FRYL: variants seen among roughly 807,000 people sequenced by gnomAD.
FRYL encodes the protein FRY like transcription coactivator.
FRYL carries 150 observed loss-of-function variants against 351.2 expected under a neutral mutation model. That is an observed-to-expected ratio of 0.43 (90% CI 0.37 to 0.49). FRYL has a LOEUF of 0.49. FRYL is among the 20% of genes least tolerant of loss of function. The probability of loss-of-function intolerance (pLI) is 0.00; values close to 1 mark genes in which losing one functional copy is unlikely to be tolerated. For synonymous variants in FRYL, 1,153 were observed against 1,257.1 expected (o/e 0.92, Z 1.75); for missense variants, 3,036 against 3,619.3 (o/e 0.84, Z 4.13).
chr4:48,553,974 T>G (rs564490257), intron 35 of FRYL, among the ~76,000 whole-genome samples: 1 of 152,362 alleles, frequency 6.6e-6, no homozygotes, highest in Admixed American at 6.5e-5. Context: ...AGCACCTACT[T>G]CATATAGCTA....
At chr4:48,571,822 AGT>A in intron 26 of FRYL, 1 of 984,550 alleles carries the variant, frequency 1.0e-6, no homozygotes, top group Non-Finnish European at 1.2e-6. Flanking sequence ...TCACAGAAAC[AGT>A]GTGAGTCTAA....
chr4:48,583,676 G>T (rs1741432221), intron 19 of FRYL, among the ~76,000 whole-genome samples: 1 of 151,956 alleles, frequency 6.6e-6, no homozygotes, highest in Admixed American at 6.5e-5. Context: ...GCCAGGGCAG[G>T]TGAATCACTT....
In FRYL at chr4:48,661,712, T is replaced by C. The variant is rs1406510002; in HGVS notation, c.-81+22961A>G. 2.0e-5 allele frequency among the ~76,000 whole-genome samples: 3 copies of C among 152,332 alleles called. No homozygotes were observed. The South Asian group carries it at 6.2e-4, about 32-fold the overall frequency. The stretch of plus-strand genomic sequence containing the variant: ...CACAAATGGCAACATCCAATTGAAA[T>C]GTATTAAATGTGTCAAGGAGTAGGA... On this transcript the variant is annotated intron_variant, in intron 3 of 63. Coordinates refer to ENST00000358350, the MANE Select transcript of FRYL (RefSeq NM_015030.2).
At chr4:48,615,531 T>C (rs1749237077) in intron 7 of FRYL, among the ~76,000 whole-genome samples, 1 of 152,222 alleles carries the variant, frequency 6.6e-6, no homozygotes, top group Non-Finnish European at 1.5e-5. Context: ...AAATGTGATA[T>C]TGCTGTTTAA....
chr4:48,771,251 G>T (rs1775478680), intron 1 of FRYL, among the ~76,000 whole-genome samples: 1 of 152,096 alleles, frequency 6.6e-6, no homozygotes, highest in Non-Finnish European at 1.5e-5. Context: ...GGTCTAAATT[G>T]TATCAACACA....
At position 48,605,842 on chromosome 4, in the gene FRYL, G is replaced by C; in HGVS notation, c.742-9C>G. On this transcript the variant is annotated splice_polypyrimidine_tract_variant and intron_variant, in intron 10 of 63. Coordinates refer to ENST00000358350, the MANE Select transcript of FRYL (RefSeq NM_015030.2). ...AAATACTGAGCACATTCCTTAAAGG[G>C]AAAGAGGTATATACTTAGATTAACA... 1.4e-6 allele frequency: 2 copies of C among 1,470,770 alleles called. No homozygotes were observed. The highest frequency in any genetic ancestry group is 1.9e-6 in the Non-Finnish European group (2 of 1,055,630). 91.1% of individuals were successfully genotyped at this position (1,470,770 alleles called of 1,614,324 possible).
chr4:48,759,091 G>A (rs1259016733), intron 1 of FRYL, among the ~76,000 whole-genome samples: 1 of 152,166 alleles, frequency 6.6e-6, no homozygotes, highest in South Asian at 2.1e-4. Flanking sequence ...TGGCGTTGGG[G>A]GAAGGGGGGA....
At chr4:48,679,652 T>C (rs1270860979) in intron 3 of FRYL, among the ~76,000 whole-genome samples, 1 of 147,176 alleles carries the variant, frequency 6.8e-6, no homozygotes. Context: ...AGTAATAATA[T>C]ACAGTTTCAA....
At chr4:48,716,084 G>A (rs1315319699) in intron 1 of FRYL, among the ~76,000 whole-genome samples, 1 of 152,198 alleles carries the variant, frequency 6.6e-6, no homozygotes, top group Admixed American at 6.5e-5. Context: ...GTAAAAAGCA[G>A]AATCTGGATC....
chr4:48,601,943 A>G lies in FRYL; in HGVS notation c.1035+77T>C. The G allele has an allele frequency of 3.7e-6, 3 of 804,018 alleles. No individual in the cohort carries two copies. In the South Asian group the frequency reaches 4.4e-5, roughly 12 times the overall value. The allele number at this position is 804,018 out of a possible 1,614,324, so 49.8% of individuals were successfully genotyped here. On this transcript the variant is annotated intron_variant, in intron 13 of 63. Transcript: ENST00000358350. ...TACCAATAGTAACAAAAGTTTCATT[A>G]TGCACTGTTCAATTTATATGCATAA...
chr4:48,551,633 T>A (rs1732767461), intron 36 of FRYL, 55 bp from the exon 37 acceptor site: 3 of 1,085,680 alleles, frequency 2.8e-6, no homozygotes, highest in Non-Finnish European at 1.4e-6. Context: ...AATAACCCAA[T>A]AAGAACAAAA....
chr4:48,703,331 A>G (rs957178500), intron 2 of FRYL, among the ~76,000 whole-genome samples: 1 of 152,190 alleles, frequency 6.6e-6, no homozygotes, highest in African/African-American at 2.4e-5. Flanking sequence ...AACTGAACAA[A>G]TAGGCACCAT....
At chr4:48,742,702 A>G (rs1306370187) in intron 1 of FRYL, among the ~76,000 whole-genome samples, 1 of 152,188 alleles carries the variant, frequency 6.6e-6, no homozygotes, top group African/African-American at 2.4e-5. Flanking sequence ...CTAGCCCCCA[A>G]AAAACTCCAA....
intron 3 of FRYL, among the ~76,000 whole-genome samples, chr4:48,671,859 A>AAAAC (rs1560832287): frequency 1.3e-4 from 11 of 84,680 alleles, no homozygotes; most frequent in East Asian, 5.9e-4. Flanking sequence ...TCTCAAAAAC[A>AAAAC]AAAAAAAAAA....
At chr4:48,550,967 G>C (rs1470201952) in intron 37 of FRYL, among the ~76,000 whole-genome samples, 4 of 151,924 alleles carry the variant, frequency 2.6e-5, no homozygotes, top group Non-Finnish European at 5.9e-5. Context: ...AGCTACTCCG[G>C]AGGCTGAGGC....
intron 1 of FRYL, among the ~76,000 whole-genome samples, chr4:48,770,389 T>C (rs1775390120): frequency 6.6e-6 from 1 of 152,170 alleles, no homozygotes; most frequent in African/African-American, 2.4e-5. Context: ...TTTGAAAATG[T>C]TTTTCATCCT....
intron 16 of FRYL, 48 bp downstream of exon 16, chr4:48,593,882 T>A: frequency 1.2e-6 from 1 of 838,258 alleles, no homozygotes; most frequent in Non-Finnish European, 1.7e-6. Context: ...ATCATGCTCT[T>A]AAAAAAAAAA....
intron 4 of FRYL, among the ~76,000 whole-genome samples, chr4:48,631,117 G>A (rs1752876717): frequency 6.6e-6 from 1 of 152,126 alleles, no homozygotes; most frequent in South Asian, 2.1e-4. Flanking sequence ...AAACAAAGCT[G>A]GCACTCTGCT....
chr4:48,544,175 C>A (rs1413876919), intron 43 of FRYL, among the ~76,000 whole-genome samples, 178 bp from the exon 44 acceptor site: 1 of 152,162 alleles, frequency 6.6e-6, no homozygotes, highest in East Asian at 1.9e-4. Flanking sequence ...ACCCTTTAAT[C>A]TTTACGGAAG....
Sources: gnomAD v4.1 joint callset for allele counts (sites outside exome capture counted in the v4.1 genomes callset) on GRCh38, gnomAD v4.1.1 for gene constraint, MANE v1.5 for transcripts, NCBI Gene and HGNC (gene_info 2026-07-23, HGNC 2026-07-21) for gene names.